TNFRSF21: variants seen among roughly 807,000 people sequenced by gnomAD.
TNFRSF21 encodes TNF receptor superfamily member 21.
A neutral mutation model predicts 45.6 loss-of-function variants in TNFRSF21; 19 were observed. The ratio of observed to expected loss-of-function variants is 0.42; its 90% CI spans 0.29 to 0.61. The LOEUF (loss-of-function observed/expected upper bound fraction) is 0.61, where lower values mean the gene tolerates loss of function less well. TNFRSF21 is among the 20% of genes least tolerant of loss of function. The probability of loss-of-function intolerance (pLI) is 0.23; values close to 1 mark genes in which losing one functional copy is unlikely to be tolerated. For missense variants in TNFRSF21, 737 were observed against 851.5 expected (o/e 0.87, Z 1.67); for synonymous variants, 314 against 335.5 (o/e 0.94, Z 0.70).
chr6:47,269,831 C>T (rs1582336382), intron 3 of TNFRSF21, among the ~76,000 whole-genome samples: 1 of 152,302 alleles, frequency 6.6e-6, no homozygotes, highest in East Asian at 1.9e-4. Context: ...AAGAGCGCTG[C>T]CTGGGCCCCT....
chr6:47,234,316 T>G (rs763350779), intron 5 of TNFRSF21, among the ~76,000 whole-genome samples: 2 of 152,208 alleles, frequency 1.3e-5, no homozygotes, highest in Non-Finnish European at 2.9e-5. Context: ...AGTTCAACTT[T>G]AAATCTTTGG....
intron 1 of TNFRSF21, among the ~76,000 whole-genome samples, chr6:47,287,307 CAAAAAAAAAAAAAAAA>C (rs1164380285): frequency 4.8e-5 from 1 of 20,874 alleles, no homozygotes; most frequent in African/African-American, 1.2e-4. Flanking sequence ...AACTCTTTCT[CAAAAAAAAAAAAAAAA>C]AAAAAAAAAA....
rs935661944 is a variant in TNFRSF21 at position 47,279,305 on chromosome 6, T to C, written c.1243+4633A>G. Among the ~76,000 whole-genome samples, 9 of 152,198 alleles carry C rather than the reference T, an allele frequency of 5.9e-5. No individual in the cohort carries two copies. In the East Asian group the frequency reaches 1.7e-3, roughly 29 times the overall value. Reference sequence around the variant, plus strand: ...GAGGAAGAAAGAAGGAAAAGGGAAATAGTAACGGCACAAATTAGAAACTGC... The same window carrying C: ...GAGGAAGAAAGAAGGAAAAGGGAAACAGTAACGGCACAAATTAGAAACTGC... On this transcript the variant is annotated intron_variant, in intron 3 of 5. Transcript: ENST00000296861.
chr6:47,236,418 A>T (rs549782410), intron 4 of TNFRSF21, among the ~76,000 whole-genome samples: 1 of 152,238 alleles, frequency 6.6e-6, no homozygotes, highest in African/African-American at 2.4e-5. Flanking sequence ...AAGCTTTTCA[A>T]CGAAGACATT....
chr6:47,283,854 G>A (rs1037955931), intron 3 of TNFRSF21, 84 bp downstream of exon 3: 27 of 1,514,086 alleles, frequency 1.8e-5, no homozygotes, highest in Non-Finnish European at 2.1e-5. Context: ...CACAAACTAC[G>A]CATTCCCATT....
chr6:47,306,476 C>A (rs975016161), intron 1 of TNFRSF21, among the ~76,000 whole-genome samples: 2 of 152,208 alleles, frequency 1.3e-5, no homozygotes, highest in East Asian at 3.9e-4. Context: ...TGGGACAAAC[C>A]AATGAAGTTC....
chr6:47,309,310 G>A, intron 1 of TNFRSF21, 106 bp downstream of exon 1: 1 of 1,416,110 alleles, frequency 7.1e-7, no homozygotes, highest in African/African-American at 1.5e-5. Context: ...CAGTCGGCCG[G>A]GCCCCGCGCC....
chr6:47,258,154 G>C (rs1479386280), intron 3 of TNFRSF21, among the ~76,000 whole-genome samples: 1 of 151,886 alleles, frequency 6.6e-6, no homozygotes, highest in Non-Finnish European at 1.5e-5. Flanking sequence ...TGGATCCCTT[G>C]ACCCAGGAGT....
chr6:47,253,646 T>C lies in TNFRSF21; in HGVS notation c.1244-125A>G, dbSNP rs1295151457. On this transcript the variant is annotated intron_variant, in intron 3 of 5. Coordinates refer to ENST00000296861, the MANE Select transcript of TNFRSF21 (RefSeq NM_014452.5). The stretch of plus-strand genomic sequence containing the variant: ...TTCCTATCGCTGTATGTCAAAGGAA[T>C]GCATTGCCTCCCTTAAGCACTTGGC... 3.5e-6 allele frequency: 4 copies of C among 1,146,466 alleles called. No homozygotes were observed. In the African/African-American group the frequency reaches 4.6e-5, roughly 13 times the overall value. 71.0% of individuals were successfully genotyped at this position (1,146,466 alleles called of 1,614,324 possible).
In TNFRSF21 at chr6:47,234,757, C is replaced by G; in HGVS notation, c.1651G>C (p.Val551Leu). 1.9e-6 allele frequency: 3 copies of G among 1,609,314 alleles called. No homozygotes were observed. Among genetic ancestry groups the G allele is most frequent in the Non-Finnish European group, 2.5e-6 (3 of 1,178,268 alleles). ...SPQDKNKGFF[V>L]DESEPLLRCD... Reference sequence around the variant, plus strand: ...CGGAGAAGGGGCTCCGACTCATCCACGAAGAAGCCCTTGTTCTTGTCCTGT... The same window carrying G: ...CGGAGAAGGGGCTCCGACTCATCCAGGAAGAAGCCCTTGTTCTTGTCCTGT... The change falls in exon 5 of 6, where the codon GTG becomes CTG. Residue 551 changes from valine (V) to leucine (L), a missense_variant. Physicochemically the swap from Val to Leu is conservative, Grantham distance 32. Coordinates refer to ENST00000296861, the MANE Select transcript of TNFRSF21 (RefSeq NM_014452.5).
intron 3 of TNFRSF21, among the ~76,000 whole-genome samples, chr6:47,271,299 G>T (rs569416490): frequency 1.3e-5 from 2 of 152,342 alleles, no homozygotes; most frequent in African/African-American, 4.8e-5. Context: ...AAGCCCATCA[G>T]ACTAACAGTG....
chr6:47,253,501 C>A lies in TNFRSF21; in HGVS notation c.1264G>T (p.Val422Leu), dbSNP rs746401551. The change falls in exon 4 of 6, where the codon GTA (valine) becomes TTA (leucine). Residue 422 changes from valine (V) to leucine (L), a missense_variant. Physicochemically the swap from Val to Leu is conservative, Grantham distance 32. Coordinates refer to ENST00000296861, the MANE Select transcript of TNFRSF21 (RefSeq NM_014452.5). ...NGHGIDILKL[V>L]AAQVGSQWKD... ...CACTGGCTTCCCACTTGGGCTGCTA[C>A]AAGCTTCAGGATATCGATACCTACA... 6.2e-7 allele frequency: 1 copy of A among 1,612,564 alleles called. No homozygotes were observed. Among genetic ancestry groups the A allele is most frequent in the South Asian group, 1.1e-5 (1 of 91,080 alleles).
intron 4 of TNFRSF21, among the ~76,000 whole-genome samples, chr6:47,236,007 C>A (rs1764661830): frequency 1.3e-5 from 2 of 152,304 alleles, no homozygotes; most frequent in East Asian, 3.9e-4. Context: ...ACAGTGGCTA[C>A]ATACAGTATG....
intron 3 of TNFRSF21, among the ~76,000 whole-genome samples, chr6:47,272,902 T>G (rs962734288): frequency 6.6e-6 from 1 of 152,164 alleles, no homozygotes; most frequent in Non-Finnish European, 1.5e-5. Context: ...GCAAATAAAT[T>G]AGAAAATCTA....
At chr6:47,296,602 CG>C (rs1762793397) in intron 1 of TNFRSF21, among the ~76,000 whole-genome samples, 1 of 152,134 alleles carries the variant, frequency 6.6e-6, no homozygotes, top group Non-Finnish European at 1.5e-5. Context: ...AAGGGCTGAA[CG>C]TTGAGCTGAT....
chr6:47,280,058 G>C (rs755531424), intron 3 of TNFRSF21, among the ~76,000 whole-genome samples: 1 of 152,206 alleles, frequency 6.6e-6, no homozygotes, highest in African/African-American at 2.4e-5. Flanking sequence ...AAAGATGGAT[G>C]AGTAGAGCTG....
intron 3 of TNFRSF21, among the ~76,000 whole-genome samples, chr6:47,270,357 T>A (rs1166098450): frequency 1.3e-5 from 2 of 152,194 alleles, no homozygotes; most frequent in South Asian, 2.1e-4. Context: ...CCACTGGTGA[T>A]ACCCAGGCGA....
chr6:47,273,446 C>T (rs1008656496), intron 3 of TNFRSF21, among the ~76,000 whole-genome samples: 8 of 152,042 alleles, frequency 5.3e-5, no homozygotes, highest in Non-Finnish European at 1.0e-4. Flanking sequence ...AAAAGGCCTT[C>T]GACAAAATTC....
chr6:47,282,093 C>T (rs569909904), intron 3 of TNFRSF21, among the ~76,000 whole-genome samples: 157 of 152,012 alleles, frequency 1.0e-3, no homozygotes, highest in African/African-American at 3.6e-3. Flanking sequence ...GCTAAAAAAA[C>T]AAACAAAAAA....
Sources: allele counts gnomAD v4.1 joint callset (sites outside exome capture counted in the v4.1 genomes callset), GRCh38; gene constraint gnomAD v4.1.1; transcripts MANE v1.5; gene names NCBI Gene and HGNC (gene_info 2026-07-23, HGNC 2026-07-21).